Variants in WWOX observed in about 807,000 individuals in gnomAD.
The protein encoded by WWOX is WW domain-containing oxidoreductase.
WWOX carries 69 observed loss-of-function variants against 46.2 expected under a neutral mutation model. That is an observed-to-expected ratio of 1.49 (90% confidence interval 1.23 to 1.82). WWOX has a LOEUF of 1.82. Among genes scored for constraint, WWOX ranks in the 40% most tolerant of loss-of-function variants. The probability of loss-of-function intolerance (pLI) is 0.00; values close to 1 mark genes in which losing one functional copy is unlikely to be tolerated. For missense variants in WWOX, 919 were observed against 542.6 expected (o/e 1.69, Z -6.89); for synonymous variants, 359 against 202.6 (o/e 1.77, Z -6.56).
intron 5 of WWOX, among the ~76,000 whole-genome samples, chr16:78,257,234 A>G (rs1455078768): frequency 6.6e-6 from 1 of 152,124 alleles, no homozygotes. Context: ...GTGAAGGTTT[A>G]GGCATGTATG....
intron 8 of WWOX, among the ~76,000 whole-genome samples, chr16:79,071,284 T>C (rs1430303658): frequency 6.6e-6 from 1 of 152,234 alleles, no homozygotes; most frequent in Non-Finnish European, 1.5e-5. Flanking sequence ...AACCTGACAA[T>C]GACTTTTTTG....
chr16:78,310,182 C>A (rs187644671), intron 5 of WWOX, among the ~76,000 whole-genome samples: 1 of 151,988 alleles, frequency 6.6e-6, no homozygotes. Flanking sequence ...CAGAATTTTC[C>A]GTAAGAACAT....
chr16:78,885,006 A>G (rs1332474951), intron 8 of WWOX, among the ~76,000 whole-genome samples: 6 of 152,114 alleles, frequency 3.9e-5, no homozygotes, highest in Non-Finnish European at 8.8e-5. Context: ...CAGCTGTGTC[A>G]CTGGGCAGTT....
At chr16:78,926,476 A>G (rs965921555) in intron 8 of WWOX, among the ~76,000 whole-genome samples, 12 of 152,092 alleles carry the variant, frequency 7.9e-5, no homozygotes, top group African/African-American at 2.9e-4. Context: ...GTTTGTGTCT[A>G]TGGTTTCTCC....
At chr16:78,201,047 A>T (rs1340392387) in intron 5 of WWOX, among the ~76,000 whole-genome samples, 1 of 152,210 alleles carries the variant, frequency 6.6e-6, no homozygotes, top group Admixed American at 6.5e-5. Context: ...AGAGAATATG[A>T]CCATTTCTGG....
intron 8 of WWOX, among the ~76,000 whole-genome samples, chr16:78,763,949 C>T (rs1255571534): frequency 2.0e-5 from 3 of 152,158 alleles, no homozygotes; most frequent in African/African-American, 7.2e-5. Flanking sequence ...GCTGAAGAAG[C>T]CCCACTCTCC....
intron 8 of WWOX, among the ~76,000 whole-genome samples, chr16:78,548,011 C>A (rs1035879913): frequency 6.6e-6 from 1 of 151,686 alleles, no homozygotes; most frequent in Non-Finnish European, 1.5e-5. Flanking sequence ...AAAAATTAGC[C>A]GGGTGTGGTG....
At chr16:78,842,813 CTGCACACCAGCCGGGGGTGACAG>C (rs2052196316) in intron 8 of WWOX, among the ~76,000 whole-genome samples, 1 of 133,150 alleles carries the variant, frequency 7.5e-6, no homozygotes, top group Admixed American at 7.6e-5. Context: ...GATCACGCCA[CTGCACACCAGCCGGGGGTGACAG>C]AGTGAGACCC....
intron 8 of WWOX, among the ~76,000 whole-genome samples, chr16:79,037,528 A>C (rs1300710994): frequency 6.6e-6 from 1 of 152,060 alleles, no homozygotes; most frequent in Non-Finnish European, 1.5e-5. Flanking sequence ...TCCCAAAGTC[A>C]CACTGCTGAT....
chr16:79,086,802 C>T (rs548110913), intron 8 of WWOX, among the ~76,000 whole-genome samples: 28 of 152,212 alleles, frequency 1.8e-4, no homozygotes, highest in Non-Finnish European at 3.2e-4. Flanking sequence ...AGGACTGCTT[C>T]ACGCTGGGAG....
chr16:78,820,118 C>G (rs555591865), intron 8 of WWOX, among the ~76,000 whole-genome samples: 134 of 152,214 alleles, frequency 8.8e-4, no homozygotes, highest in African/African-American at 3.2e-3. Flanking sequence ...GGGCCTGGCA[C>G]TCTAGTAGGC....
chr16:79,037,141 A>G (rs1377659619), intron 8 of WWOX, among the ~76,000 whole-genome samples: 1 of 152,158 alleles, frequency 6.6e-6, no homozygotes, highest in African/African-American at 2.4e-5. Context: ...AGGAAGGGAG[A>G]GGAGCACAAA....
At chr16:78,851,015 T>A (rs528161679) in intron 8 of WWOX, among the ~76,000 whole-genome samples, 19 of 152,328 alleles carry the variant, frequency 1.2e-4, no homozygotes, top group African/African-American at 4.3e-4. Context: ...CTCCTAGAGA[T>A]AAATTTTTTA....
chr16:79,111,208 T>A (rs915234749), intron 8 of WWOX, among the ~76,000 whole-genome samples: 15 of 152,230 alleles, frequency 9.9e-5, no homozygotes, highest in African/African-American at 3.6e-4. Flanking sequence ...ATCTTTATGG[T>A]ATGACCAAGG....
chr16:78,796,665 T>G (rs760508648), intron 8 of WWOX, among the ~76,000 whole-genome samples: 1 of 152,228 alleles, frequency 6.6e-6, no homozygotes, highest in Non-Finnish European at 1.5e-5. Context: ...TTGTTAGAGA[T>G]ATATCTGTTT....
intron 6 of WWOX, among the ~76,000 whole-genome samples, chr16:78,413,513 TA>T (rs1283679269): frequency 6.6e-6 from 1 of 152,064 alleles, no homozygotes; most frequent in East Asian, 1.9e-4. Context: ...AGAACCTTCT[TA>T]AAGGTGGTGG....
intron 8 of WWOX, among the ~76,000 whole-genome samples, chr16:78,928,129 C>G (rs548308771): frequency 1.3e-5 from 2 of 152,108 alleles, no homozygotes; most frequent in East Asian, 1.9e-4. Flanking sequence ...AATGTATTCT[C>G]CATGTTTGGT....
chr16:79,110,576 GAAGCAGTCATTTCCCTCCACCTCCAACAC>G (rs2049397996), intron 8 of WWOX: 1 of 152,236 alleles, frequency 6.6e-6, no homozygotes, highest in African/African-American at 2.4e-5. Flanking sequence ...TGAAGGAAGA[GAAGCAGTCATTTCCCTCCACCTCCAACAC>G]ACACTCCGTC....
chr16:79,124,930 C>T (rs1315517652), intron 8 of WWOX, among the ~76,000 whole-genome samples: 1 of 152,116 alleles, frequency 6.6e-6, no homozygotes, highest in African/African-American at 2.4e-5. Context: ...CATTTTCAAG[C>T]TGAAGAACCA....
Sources: allele counts gnomAD v4.1 joint callset (sites outside exome capture counted in the v4.1 genomes callset), GRCh38; gene constraint gnomAD v4.1.1; transcripts MANE v1.5; gene names NCBI Gene and HGNC (gene_info 2026-07-23, HGNC 2026-07-21).